Variants in SGCG observed in about 807,000 individuals in gnomAD.
SGCG encodes the protein gamma-sarcoglycan.
Under a neutral mutation model 29.3 loss-of-function variants are expected in SGCG, and 26 were observed. The ratio of observed to expected loss-of-function variants is 0.89; its 90% CI spans 0.65 to 1.23. SGCG has a LOEUF of 1.23. SGCG is among the 50% of genes most tolerant of loss of function. The probability of loss-of-function intolerance (pLI) is 0.00; values close to 1 mark genes in which losing one functional copy is unlikely to be tolerated. For missense variants in SGCG, 353 were observed against 356.0 expected (o/e 0.99, Z 0.07); for synonymous variants, 145 against 129.7 (o/e 1.12, Z -0.80).
intron 5 of SGCG, among the ~76,000 whole-genome samples, chr13:23,288,226 T>C (rs1397620584): frequency 1.3e-5 from 2 of 151,948 alleles, no homozygotes; most frequent in African/African-American, 4.8e-5. Context: ...GAAAGAGAAG[T>C]GATAGGAAAA....
intron 2 of SGCG, among the ~76,000 whole-genome samples, chr13:23,209,248 G>A (rs1270769880): frequency 6.6e-6 from 1 of 152,072 alleles, no homozygotes; most frequent in Non-Finnish European, 1.5e-5. Context: ...CTTTTTAGGA[G>A]GTCAGGAAAC....
At position 23,256,694 on chromosome 13, in the gene SGCG, C is replaced by T. The variant is rs566194541; in HGVS notation, c.385+5977C>T. On this transcript the variant is annotated intron_variant, in intron 4 of 7. Transcript: ENST00000218867. ...GTTTCCAGCTTCATCCATGTCTCTA[C>T]AAAGGACATGAACTCATCCTTTTTT... 2.7e-3 allele frequency among the ~76,000 whole-genome samples: 404 copies of T among 152,318 alleles called. 3 individuals are homozygous for T. The highest frequency in any genetic ancestry group is 9.2e-3 in the African/African-American group (381 of 41,564).
chr13:23,264,868 T>G (rs1880578342), intron 4 of SGCG, among the ~76,000 whole-genome samples: 1 of 152,090 alleles, frequency 6.6e-6, no homozygotes, highest in African/African-American at 2.4e-5. Flanking sequence ...AAAATTGGAT[T>G]GCCTAGGTCG....
intron 5 of SGCG, among the ~76,000 whole-genome samples, chr13:23,294,743 T>C (rs1352949614): frequency 6.6e-6 from 1 of 152,222 alleles, no homozygotes; most frequent in Non-Finnish European, 1.5e-5. Context: ...CTAGGCACGT[T>C]AATTAACCTT....
At chr13:23,291,449 A>T (rs1881701980) in intron 5 of SGCG, among the ~76,000 whole-genome samples, 1 of 152,196 alleles carries the variant, frequency 6.6e-6, no homozygotes, top group South Asian at 2.1e-4. Flanking sequence ...AAGATCAACA[A>T]CCATTTCCTG....
intron 2 of SGCG, among the ~76,000 whole-genome samples, chr13:23,208,831 A>C (rs1593173728): frequency 6.6e-6 from 1 of 152,266 alleles, no homozygotes; most frequent in East Asian, 1.9e-4. Flanking sequence ...TTATATTTTC[A>C]TTCTATAAAA....
At chr13:23,310,313 C>G (rs1319234421) in intron 6 of SGCG, among the ~76,000 whole-genome samples, 2 of 151,998 alleles carry the variant, frequency 1.3e-5, no homozygotes, top group Non-Finnish European at 1.5e-5. Flanking sequence ...GTCTCGATCT[C>G]CTGACCTCAT....
At chr13:23,210,703 A>G (rs1189352632) in intron 2 of SGCG, among the ~76,000 whole-genome samples, 1 of 152,230 alleles carries the variant, frequency 6.6e-6, no homozygotes, top group Non-Finnish European at 1.5e-5. Flanking sequence ...AAAATAAAAA[A>G]TAAATAGATT....
intron 2 of SGCG, among the ~76,000 whole-genome samples, chr13:23,211,651 A>G (rs1041642935): frequency 1.3e-5 from 2 of 152,094 alleles, no homozygotes; most frequent in African/African-American, 2.4e-5. Flanking sequence ...ATCCATTCCT[A>G]TTGCACTGAA....
In SGCG at chr13:23,317,189, C is replaced by T. The variant is rs186294225; in HGVS notation, c.579-3448C>T. On this transcript the variant is annotated intron_variant, in intron 6 of 7. Coordinates refer to ENST00000218867, the MANE Select transcript of SGCG (RefSeq NM_000231.3). ...CAGCCTGGGCAACAGAGTGAGACTC[C>T]GTCTCAAAAAAAAAAGATGAAATCA... is the stretch of plus-strand genomic sequence containing the variant. Among the ~76,000 whole-genome samples the T allele has an allele frequency of 1.7e-4, 24 of 142,044 alleles. No individual in the cohort carries two copies. The South Asian group carries it at 3.4e-3, about 20-fold the overall frequency. The allele number at this position is 142,044 out of a possible 152,430, so 93.2% of individuals were successfully genotyped here.
In SGCG at chr13:23,251,411, G is replaced by A. The variant is rs577456692; in HGVS notation, c.385+694G>A. On this transcript the variant is annotated intron_variant, in intron 4 of 7. Coordinates refer to ENST00000218867, the MANE Select transcript of SGCG (RefSeq NM_000231.3). ...GGTCACATGGGAGTGAGGTCACATG[G>A]AATCCTGCAAAGGGAGAAAAATGTC... is the stretch of plus-strand genomic sequence containing the variant. Among the ~76,000 whole-genome samples, 6 of 152,266 alleles carry A rather than the reference G, an allele frequency of 3.9e-5. No homozygotes were observed. In the East Asian group the frequency reaches 9.6e-4, roughly 24 times the overall value.
chr13:23,296,610 T>A (rs1881920451), intron 6 of SGCG, among the ~76,000 whole-genome samples: 1 of 152,076 alleles, frequency 6.6e-6, no homozygotes, highest in Non-Finnish European at 1.5e-5. Flanking sequence ...ACCCCGGCAC[T>A]CACCATTCTA....
At chr13:23,213,276 C>G (rs1291879557) in intron 2 of SGCG, among the ~76,000 whole-genome samples, 2 of 152,146 alleles carry the variant, frequency 1.3e-5, no homozygotes, top group African/African-American at 4.8e-5. Flanking sequence ...AGAACTCAGA[C>G]CAGCCTGGCC....
intron 4 of SGCG, among the ~76,000 whole-genome samples, chr13:23,254,530 A>T (rs547365512): frequency 6.6e-6 from 1 of 152,306 alleles, no homozygotes; most frequent in South Asian, 2.1e-4. Context: ...ATTTGAATTT[A>T]TATTTAAAAG....
chr13:23,160,837 CT>C, the SGCG span, among the ~76,000 whole-genome samples: 5 of 152,202 alleles, frequency 3.3e-5, no homozygotes, highest in Non-Finnish European at 7.3e-5. Flanking sequence ...CCAGACAGCA[CT>C]TTCCTTCCCC....
In SGCG at chr13:23,237,550, T is replaced by C. The variant is rs1879356999; in HGVS notation, c.297+2838T>C. Among the ~76,000 whole-genome samples the C allele has an allele frequency of 2.0e-5, 3 of 152,160 alleles. No individual in the cohort carries two copies. In the South Asian group the frequency reaches 6.2e-4, roughly 32 times the overall value. ...CTACAACTATTTGAATAAAGCAGCA[T>C]ATAAAAAAGTAGCTACAACTATTTG... On this transcript the variant is annotated intron_variant, in intron 3 of 7. Coordinates refer to ENST00000218867, the MANE Select transcript of SGCG (RefSeq NM_000231.3).
chr13:23,291,633 C>A (rs1227147532), intron 5 of SGCG, among the ~76,000 whole-genome samples: 1 of 152,120 alleles, frequency 6.6e-6, no homozygotes, highest in Admixed American at 6.5e-5. Flanking sequence ...TAATACATAT[C>A]AGTTTATAGA....
intron 3 of SGCG, among the ~76,000 whole-genome samples, chr13:23,235,860 T>C (rs1879288359): frequency 6.6e-6 from 1 of 152,164 alleles, no homozygotes; most frequent in African/African-American, 2.4e-5. Flanking sequence ...ACAAAAGACT[T>C]ACTAAGAAAC....
At chr13:23,313,704 A>G (rs1192623505) in intron 6 of SGCG, among the ~76,000 whole-genome samples, 1 of 152,196 alleles carries the variant, frequency 6.6e-6, no homozygotes, top group Non-Finnish European at 1.5e-5. Context: ...AGTCACCTTA[A>G]TTGTATTTTT....
Sources: allele counts gnomAD v4.1 joint callset (sites outside exome capture counted in the v4.1 genomes callset), GRCh38; gene constraint gnomAD v4.1.1; transcripts MANE v1.5; gene names NCBI Gene and HGNC (gene_info 2026-07-23, HGNC 2026-07-21).